Variants in ADAM19 observed in about 807,000 individuals in gnomAD.
ADAM19 encodes ADAM metallopeptidase domain 19.
Under a neutral mutation model 114.7 loss-of-function variants are expected in ADAM19, and 65 were observed. The observed-to-expected ratio is 0.57, with a 90% CI of 0.46 to 0.70. The LOEUF (loss-of-function observed/expected upper bound fraction) is 0.70, where lower values mean the gene tolerates loss of function less well. Ranked by LOEUF, ADAM19 falls within the 30% of genes least tolerant of loss-of-function variation. ADAM19 has a pLI of 0.00. For synonymous variants in ADAM19, 466 were observed against 460.5 expected (o/e 1.01, Z -0.15); for missense variants, 1,063 against 1,204.7 (o/e 0.88, Z 1.74).
At chr5:157,548,133 C>G (rs922847694) in intron 3 of ADAM19, among the ~76,000 whole-genome samples, 2 of 152,198 alleles carry the variant, frequency 1.3e-5, no homozygotes, top group African/African-American at 4.8e-5. Flanking sequence ...CTGCCACACT[C>G]TCCACCACCA....
chr5:157,499,741 C>T, intron 12 of ADAM19, 79 bp from the exon 13 acceptor site: 1 of 890,332 alleles, frequency 1.1e-6, no homozygotes, highest in South Asian at 1.5e-5. Context: ...TGCCCACACA[C>T]CCCTGGAACC....
chr5:157,488,699 T>C (rs1755041844), intron 20 of ADAM19, among the ~76,000 whole-genome samples: 1 of 152,168 alleles, frequency 6.6e-6, no homozygotes, highest in Non-Finnish European at 1.5e-5. Context: ...AAAGGGCTTT[T>C]ATTACCAATC....
At chr5:157,483,027 A>C (rs1264205804) in intron 21 of ADAM19, among the ~76,000 whole-genome samples, 3 of 151,292 alleles carry the variant, frequency 2.0e-5, no homozygotes, top group African/African-American at 7.3e-5. Context: ...ACATGGACAC[A>C]GGGAGGGGAA....
At chr5:157,493,513 G>A (rs1225010859) in intron 15 of ADAM19, among the ~76,000 whole-genome samples, 1 of 152,018 alleles carries the variant, frequency 6.6e-6, no homozygotes, top group African/African-American at 2.4e-5. Context: ...TAGAAATCTG[G>A]GGTCATCTCC....
intron 9 of ADAM19, 74 bp from the exon 10 acceptor site, chr5:157,507,214 G>T (rs1375912220): frequency 1.4e-6 from 2 of 1,451,586 alleles, no homozygotes; most frequent in Non-Finnish European, 1.9e-6. Context: ...GGGAGTAAGT[G>T]GCCATCACGG....
At chr5:157,537,076 A>G (rs1056748717) in intron 4 of ADAM19, among the ~76,000 whole-genome samples, 7 of 152,204 alleles carry the variant, frequency 4.6e-5, no homozygotes, top group Admixed American at 6.5e-5. Flanking sequence ...GGTCTGTCCT[A>G]TGCATTATAG....
intron 12 of ADAM19, 34 bp downstream of exon 12, chr5:157,502,769 T>C (rs754289647): frequency 1.9e-6 from 3 of 1,601,118 alleles, no homozygotes; most frequent in Non-Finnish European, 2.6e-6. Context: ...ATGCAAATTC[T>C]TCCCCTCCCA....
chr5:157,530,737 C>T (rs1756600757), intron 5 of ADAM19, 70 bp downstream of exon 5: 1 of 1,385,618 alleles, frequency 7.2e-7, no homozygotes, highest in Admixed American at 1.7e-5. Flanking sequence ...TTGCCTCAGC[C>T]TTGTCTATCT....
At position 157,556,032 on chromosome 5, in the gene ADAM19, T is replaced by TTTG. The variant is rs565533591; in HGVS notation, c.251+8338_251+8340dup. 7.0e-4 allele frequency among the ~76,000 whole-genome samples: 106 copies of TTTG among 152,100 alleles called. No individual in the cohort carries two copies. The South Asian group carries it at 0.021, about 31-fold the overall frequency. ...ATCTTCTCATCTCAAGATCTTTGAT[T>TTTG]TTGTTGTTGTTGTTGTTGCTGTTGT... On this transcript the variant is annotated intron_variant, in intron 3 of 22. Transcript: ENST00000257527.
At chr5:157,565,233 C>T (rs77243852) in intron 2 of ADAM19, among the ~76,000 whole-genome samples, 1,669 of 152,056 alleles carry the variant, frequency 0.011, 38 homozygotes, top group African/African-American at 0.038. Context: ...CACCTCCCCA[C>T]GTCCAGAAAA....
At position 157,514,942 on chromosome 5, in the gene ADAM19, C is replaced by T. The variant is rs143097420; in HGVS notation, c.667-1437G>A. 4.6e-4 allele frequency among the ~76,000 whole-genome samples: 70 copies of T among 152,298 alleles called. 1 individual carries two copies. The highest frequency in any genetic ancestry group is 1.5e-3 in the African/African-American group (64 of 41,580). ...ATGTTATTTTGATTCAAAATCTTCA[C>T]GTCCTTCCTCCACCCCATCCCATGA... On this transcript the variant is annotated intron_variant, in intron 7 of 22. Transcript: ENST00000257527.
At chr5:157,554,649 CAG>C (rs1212947152) in intron 3 of ADAM19, among the ~76,000 whole-genome samples, 2 of 152,224 alleles carry the variant, frequency 1.3e-5, no homozygotes, top group Non-Finnish European at 2.9e-5. Flanking sequence ...GAAACCAACT[CAG>C]GGGAATTCCC....
Position 157,514,259 on chromosome 5 carries a change from C to T in ADAM19, c.667-754G>A, listed in dbSNP as rs140198261. On this transcript the variant is annotated intron_variant, in intron 7 of 22. Transcript: ENST00000257527. ...TCATCTTGCACACCACTCAGATCCA[C>T]TGGCAGTGCCTTCTACAGTGAGAAG... 1.4e-3 allele frequency among the ~76,000 whole-genome samples: 214 copies of T among 152,256 alleles called. 1 individual carries two copies. The highest frequency in any genetic ancestry group is 2.7e-3 in the Admixed American group (42 of 15,302).
At chr5:157,485,335 C>T (rs1470330702) in intron 21 of ADAM19, among the ~76,000 whole-genome samples, 1 of 152,144 alleles carries the variant, frequency 6.6e-6, no homozygotes, top group Non-Finnish European at 1.5e-5. Flanking sequence ...AAAAGGCGAA[C>T]AAATCATAAA....
At chr5:157,481,206 C>T (rs868411395) in intron 22 of ADAM19, 26 of 650,552 alleles carry the variant, frequency 4.0e-5, no homozygotes, top group Middle Eastern at 8.5e-4. Flanking sequence ...CTATCTCAAG[C>T]TGACCAGCCA....
rs55867903 is a variant in ADAM19 at position 157,498,688 on chromosome 5, G to GTATATATATATATATATA, written c.1398+867_1398+884dup. Among the ~76,000 whole-genome samples the GTATATATATATATATATA allele has an allele frequency of 2.2e-4, 31 of 143,876 alleles. No homozygotes were observed. The East Asian group carries it at 5.6e-3, about 26-fold the overall frequency. The allele number at this position is 143,876 out of a possible 152,430, so 94.4% of individuals were successfully genotyped here. A position where few individuals can be genotyped will look rare whatever the true frequency, so the allele number is the denominator to read the frequency against. On this transcript the variant is annotated intron_variant, in intron 13 of 22. Coordinates refer to ENST00000257527, the MANE Select transcript of ADAM19 (RefSeq NM_033274.5). The stretch of plus-strand genomic sequence containing the variant: ...CATATATAATTACACATGTGTGTAT[G>GTATATATATATATATATA]TATATATATATATATATATATATGG...
At chr5:157,507,432 G>A (rs1755782028) in intron 9 of ADAM19, among the ~76,000 whole-genome samples, 1 of 152,224 alleles carries the variant, frequency 6.6e-6, no homozygotes, top group Admixed American at 6.5e-5. Flanking sequence ...AAATGGGCAG[G>A]GTTTGCAAAG....
intron 8 of ADAM19, among the ~76,000 whole-genome samples, chr5:157,511,826 G>A (rs187357971): frequency 1.1e-4 from 16 of 152,334 alleles, no homozygotes; most frequent in Admixed American, 9.8e-4. Context: ...CCAGCCGCGA[G>A]GAGAGAGCCA....
chr5:157,556,347 T>C (rs1019866435), intron 3 of ADAM19, among the ~76,000 whole-genome samples: 8 of 150,282 alleles, frequency 5.3e-5, no homozygotes, highest in Admixed American at 2.0e-4. Context: ...ACCTCCCGAG[T>C]AGCTGGGACT....
Sources: gnomAD v4.1 joint callset for allele counts (sites outside exome capture counted in the v4.1 genomes callset) on GRCh38, gnomAD v4.1.1 for gene constraint, MANE v1.5 for transcripts, NCBI Gene and HGNC (gene_info 2026-07-23, HGNC 2026-07-21) for gene names.